Variants in SIPA1L3 observed in about 807,000 individuals in gnomAD.
SIPA1L3 encodes signal induced proliferation associated 1 like 3, also known as signal-induced proliferation-associated 1-like protein 3.
Under a neutral mutation model 150.1 loss-of-function variants are expected in SIPA1L3, and 59 were observed. The ratio of observed to expected loss-of-function variants is 0.39; its 90% CI spans 0.32 to 0.49. The LOEUF (loss-of-function observed/expected upper bound fraction) is 0.49, where lower values mean the gene tolerates loss of function less well. Among genes scored for constraint, SIPA1L3 ranks in the 20% least tolerant of loss-of-function variants. The pLI is 0.86. For synonymous variants in SIPA1L3, 1,070 were observed against 1,077.6 expected (o/e 0.99, Z 0.14); for missense variants, 2,211 against 2,489.5 (o/e 0.89, Z 2.38).
At chr19:37,995,448 T>C (rs1384483314) in intron 1 of SIPA1L3, among the ~76,000 whole-genome samples, 1 of 152,172 alleles carries the variant, frequency 6.6e-6, no homozygotes, top group Non-Finnish European at 1.5e-5. Context: ...TTTTAACCCC[T>C]GTGCAGTGCT....
At chr19:37,911,252 T>TGC (rs1308764650) in intron 1 of SIPA1L3, among the ~76,000 whole-genome samples, 3 of 149,878 alleles carry the variant, frequency 2.0e-5, no homozygotes, top group Non-Finnish European at 3.0e-5. Context: ...TGTATGTGCG[T>TGC]GTGTGTGTGT....
At chr19:38,099,912 C>T (rs570799088) in intron 4 of SIPA1L3, 50 bp from the exon 5 acceptor site, 2 of 1,455,068 alleles carry the variant, frequency 1.4e-6, no homozygotes, top group Admixed American at 2.3e-5. Flanking sequence ...GCTCTTATCC[C>T]TTTTTAGGTC....
At chr19:38,025,924 G>A (rs981673812) in intron 1 of SIPA1L3, among the ~76,000 whole-genome samples, 1 of 152,322 alleles carries the variant, frequency 6.6e-6, no homozygotes, top group Non-Finnish European at 1.5e-5. Context: ...CTGTTTCTAT[G>A]TATAGTGACT....
At chr19:37,960,973 A>T (rs1219075935) in intron 1 of SIPA1L3, among the ~76,000 whole-genome samples, 2 of 151,682 alleles carry the variant, frequency 1.3e-5, no homozygotes, top group African/African-American at 4.8e-5. Context: ...GGTTGAAGGG[A>T]TCCTCCCGCC....
At position 38,082,663 on chromosome 19, in the gene SIPA1L3, G is replaced by A. The variant is rs752523208; in HGVS notation, c.1098G>A (p.Arg366=). ...AANRVSVSQR[R]NTTTGASAAS... ...ACAGGGTGTCGGTGTCGCAGCGGCG[G>A]AACACCACCACGGGTGCTTCGGCCG... The change falls in exon 3 of 22, where the codon CGG becomes CGA. Residue 366 remains arginine, a synonymous_variant. Transcript: ENST00000222345. 3.1e-6 allele frequency: 5 copies of A among 1,608,104 alleles called. No individual in the cohort carries two copies. The African/African-American group carries it at 5.3e-5, about 17-fold the overall frequency.
rs149733495 is a variant in SIPA1L3 at position 38,206,207 on chromosome 19, G to T, written c.5313G>T (p.Ala1771=). ...QAASEQLRKF[A]EIFCREKKEL The stretch of plus-strand genomic sequence containing the variant: ...CCAGCGAGCAGCTGCGCAAGTTTGC[G>T]GAGATCTTCTGCAGGGAGAAGAAGG... Residue 1771 remains alanine (A), a synonymous_variant, in exon 22 of 22, where the codon GCG becomes GCT. Transcript: ENST00000222345. The T allele has an allele frequency of 2.6e-6, 4 of 1,562,816 alleles. No homozygotes were observed. In the African/African-American group the frequency reaches 5.4e-5, roughly 21 times the overall value.
At chr19:37,993,776 G>C (rs935676032) in intron 1 of SIPA1L3, among the ~76,000 whole-genome samples, 7 of 152,308 alleles carry the variant, frequency 4.6e-5, no homozygotes, top group South Asian at 4.1e-4. Flanking sequence ...CACGGGGACA[G>C]GTTTCCCAAG....
chr19:37,930,971 A>T (rs62112286), intron 1 of SIPA1L3, among the ~76,000 whole-genome samples: 8,230 of 152,096 alleles, frequency 0.054, 258 homozygotes, highest in East Asian at 0.11. Context: ...TTTGTTTACT[A>T]CTGTGTCCCA....
In SIPA1L3 at chr19:38,047,101, C is replaced by T. The variant is rs994583448; in HGVS notation, c.-311+17945C>T. ...TTTTACACATGAGGAAACTGAGGCA[C>T]GGATAAGTTGGGTTGTTTGCGTGAG... On this transcript the variant is annotated intron_variant, in intron 2 of 21. Transcript: ENST00000222345. This position sits in a 1 kb window ranked among gnomAD's most constrained non-coding sequence, Gnocchi z 4.7. 3.9e-5 allele frequency among the ~76,000 whole-genome samples: 6 copies of T among 152,248 alleles called. No homozygotes were observed. Among genetic ancestry groups the T allele is most frequent in the Middle Eastern group, 3.4e-3 (1 of 294 alleles).
intron 1 of SIPA1L3, among the ~76,000 whole-genome samples, chr19:37,993,243 G>A (rs1256845908): frequency 6.6e-6 from 1 of 152,164 alleles, no homozygotes; most frequent in Non-Finnish European, 1.5e-5. Flanking sequence ...GGGCTGTGGG[G>A]ATCACGAGAT....
chr19:38,193,788 TG>T lies in SIPA1L3; in HGVS notation c.4840+11del, dbSNP rs59654455. 5.8e-3 allele frequency: 9,044 copies of T among 1,559,650 alleles called. 367 individuals carry two copies. The African/African-American group carries it at 0.11, about 18-fold the overall frequency. On this transcript the variant is annotated intron_variant, in intron 18 of 21. Coordinates refer to ENST00000222345, the MANE Select transcript of SIPA1L3 (RefSeq NM_015073.3). The stretch of plus-strand genomic sequence containing the variant: ...GCTTTCCCGAGAAGAAATGTGAGCC[TG>T]GGCCCCCTGGGACTGGCGCGGTAGT...
rs751506757 is a variant in SIPA1L3 at position 38,082,675 on chromosome 19, G to A, written c.1110G>A (p.Thr370=). 6 of 1,608,140 alleles carry A rather than the reference G, an allele frequency of 3.7e-6. No homozygotes were observed. Among genetic ancestry groups the A allele is most frequent in the Middle Eastern group, 1.6e-4 (1 of 6,076 alleles). The change falls in exon 3 of 22, where the codon ACG becomes ACA. Residue 370 remains threonine, a synonymous_variant. Transcript: ENST00000222345. The part of the protein sequence containing the change: ...VSVSQRRNTT[T]GASAASAASA... ...TGTCGCAGCGGCGGAACACCACCAC[G>A]GGTGCTTCGGCCGCTTCCGCCGCCT...
At position 38,082,192 on chromosome 19, in the gene SIPA1L3, C is replaced by T. The variant is rs756375862; in HGVS notation, c.627C>T (p.Asp209=). ...FREYGSTSSI[D]VQGMPEQSFF... is the part of the protein sequence containing the mutation. ...AGTACGGGAGCACCTCGTCCATCGACGTGCAGGGCATGCCCGAGCAGAGCT... is the reference window on the plus strand; with the variant it reads ...AGTACGGGAGCACCTCGTCCATCGATGTGCAGGGCATGCCCGAGCAGAGCT... Residue 209 remains aspartate, a synonymous_variant, in exon 3 of 22, where the codon GAC becomes GAT. Transcript: ENST00000222345. The T allele has an allele frequency of 6.2e-7, 1 of 1,603,880 alleles. No homozygotes were observed. Among genetic ancestry groups the T allele is most frequent in the African/African-American group, 1.3e-5 (1 of 74,936 alleles).
intron 1 of SIPA1L3, among the ~76,000 whole-genome samples, chr19:38,006,015 G>A (rs1967930753): frequency 6.6e-6 from 1 of 152,216 alleles, no homozygotes; most frequent in Non-Finnish European, 1.5e-5. Flanking sequence ...GCAAGCCTGG[G>A]CGACAGAGTG....
intron 20 of SIPA1L3, among the ~76,000 whole-genome samples, chr19:38,202,675 A>G (rs930061088): frequency 6.6e-6 from 1 of 152,090 alleles, no homozygotes; most frequent in Admixed American, 6.6e-5. Flanking sequence ...GTCGCTGCCA[A>G]TCTCCCGCCT....
chr19:38,040,652 A>G (rs1343501422), intron 2 of SIPA1L3, among the ~76,000 whole-genome samples: 3 of 152,190 alleles, frequency 2.0e-5, no homozygotes, highest in African/African-American at 7.2e-5. Context: ...GCTATATTAC[A>G]CATCCTTTTT....
At chr19:38,061,855 T>C (rs1273825235) in intron 2 of SIPA1L3, among the ~76,000 whole-genome samples, 1 of 150,644 alleles carries the variant, frequency 6.6e-6, no homozygotes, top group Non-Finnish European at 1.5e-5. Flanking sequence ...ATTGGTTATC[T>C]GGTTGGTTTG....
At chr19:37,924,494 A>G (rs897808715) in intron 1 of SIPA1L3, among the ~76,000 whole-genome samples, 1 of 151,182 alleles carries the variant, frequency 6.6e-6, no homozygotes, top group African/African-American at 2.4e-5. Flanking sequence ...ACTGGCCAAC[A>G]TGGCGAAACC....
chr19:38,117,812 GTCTC>G (rs1442599288), intron 8 of SIPA1L3, among the ~76,000 whole-genome samples: 1 of 151,880 alleles, frequency 6.6e-6, no homozygotes, highest in Admixed American at 6.6e-5. Flanking sequence ...TTGACACAGG[GTCTC>G]TCTCTGTTGC....
Sources: allele counts gnomAD v4.1 joint callset (sites outside exome capture counted in the v4.1 genomes callset), GRCh38; gene constraint gnomAD v4.1.1; non-coding constraint Gnocchi (gnomAD v3.1); transcripts MANE v1.5; gene names NCBI Gene and HGNC (gene_info 2026-07-23, HGNC 2026-07-21).